The following C4orf36 variants were observed in gnomAD, a reference collection of about 807,000 sequenced individuals.
C4orf36 encodes uncharacterized protein C4orf36.
C4orf36 carries 11 observed loss-of-function variants against 12.2 expected under a neutral mutation model. The ratio of observed to expected loss-of-function variants is 0.90; its 90% CI spans 0.57 to 1.49. The LOEUF (loss-of-function observed/expected upper bound fraction) is 1.49, where lower values mean the gene tolerates loss of function less well. C4orf36 is among the 40% of genes most tolerant of loss of function. C4orf36 has a pLI of 0.00. For missense variants in C4orf36, 137 were observed against 133.9 expected (o/e 1.02, Z -0.11); for synonymous variants, 54 against 51.3 (o/e 1.05, Z -0.22).
upstream of C4orf36, among the ~76,000 whole-genome samples, chr4:86,893,581 CA>C (rs559916313): frequency 2.8e-3 from 378 of 135,120 alleles, no homozygotes; most frequent in South Asian, 0.022. Context: ...GACTCCATCT[CA>C]AAAAAAAAAA....
At chr4:86,912,551 A>G in the C4orf36 span, among the ~76,000 whole-genome samples, 3 of 152,308 alleles carry the variant, frequency 2.0e-5, no homozygotes, top group Non-Finnish European at 4.4e-5. Context: ...CTGATAGTCA[A>G]TGCCTGCCTA....
chr4:86,900,238 G>A, the C4orf36 span, among the ~76,000 whole-genome samples: 7 of 152,054 alleles, frequency 4.6e-5, no homozygotes, highest in Non-Finnish European at 1.0e-4. Flanking sequence ...TCACCATGTT[G>A]GCCAGGCTGG....
At chr4:86,881,085 G>A (rs1187738539) in intron 4 of C4orf36, among the ~76,000 whole-genome samples, 1 of 150,660 alleles carries the variant, frequency 6.6e-6, no homozygotes, top group Non-Finnish European at 1.5e-5. Flanking sequence ...CTATAGTATT[G>A]TAAGTAGTGT....
At chr4:86,892,125 G>A (rs1747444097) in intron 1 of C4orf36, 58 bp downstream of exon 1, 1 of 985,418 alleles carries the variant, frequency 1.0e-6, no homozygotes, top group South Asian at 4.7e-5. Flanking sequence ...TGGGGGCCTC[G>A]GCCGCCCACA....
the C4orf36 span, among the ~76,000 whole-genome samples, chr4:86,929,632 C>G: frequency 2.0e-5 from 3 of 152,330 alleles, no homozygotes; most frequent in South Asian, 2.1e-4. Flanking sequence ...CCATCTTAGA[C>G]TTCTGCCTAC....
upstream of C4orf36, among the ~76,000 whole-genome samples, chr4:86,894,044 C>T (rs1294264333): frequency 6.6e-6 from 1 of 151,852 alleles, no homozygotes; most frequent in Non-Finnish European, 1.5e-5. Context: ...CTACAGGCGC[C>T]CGCCACCACG....
chr4:86,909,403 A>G, the C4orf36 span, among the ~76,000 whole-genome samples: 1 of 152,190 alleles, frequency 6.6e-6, no homozygotes, highest in African/African-American at 2.4e-5. Context: ...GAATTTTCCT[A>G]CATAACAAAC....
chr4:86,905,709 CCTT>C, the C4orf36 span, among the ~76,000 whole-genome samples: 4 of 144,204 alleles, frequency 2.8e-5, no homozygotes, highest in Non-Finnish European at 5.9e-5. Context: ...CTTCTGAGGT[CCTT>C]TTTTTTTTTT....
At chr4:86,933,911 T>G in the C4orf36 span, among the ~76,000 whole-genome samples, 1 of 152,208 alleles carries the variant, frequency 6.6e-6, no homozygotes. Context: ...GAGTTATATT[T>G]TGGAAAACAA....
chr4:86,885,305 C>T (rs147528614), intron 4 of C4orf36, among the ~76,000 whole-genome samples: 25,124 of 151,570 alleles, frequency 0.17, 2,356 homozygotes, highest in Middle Eastern at 0.2. Flanking sequence ...GCCATTTTCA[C>T]GATATTGATT....
chr4:86,894,251 T>C (rs1186595177), upstream of C4orf36, among the ~76,000 whole-genome samples: 1 of 152,194 alleles, frequency 6.6e-6, no homozygotes, highest in African/African-American at 2.4e-5. Flanking sequence ...AAAATTAGAG[T>C]ACATCACACA....
the C4orf36 span, among the ~76,000 whole-genome samples, chr4:86,920,805 T>C: frequency 6.6e-6 from 1 of 152,180 alleles, no homozygotes; most frequent in African/African-American, 2.4e-5. Flanking sequence ...AAGTCCTACC[T>C]TTTAACATAG....
chr4:86,914,270 G>C, the C4orf36 span: 2 of 1,602,114 alleles, frequency 1.2e-6, no homozygotes, highest in Admixed American at 3.3e-5. Flanking sequence ...CATAGGCATT[G>C]TGGTCTGCCC....
the C4orf36 span, among the ~76,000 whole-genome samples, chr4:86,910,289 G>C: frequency 1.3e-5 from 2 of 152,220 alleles, no homozygotes; most frequent in African/African-American, 4.8e-5. Flanking sequence ...GCTTGCACCT[G>C]TAATCCCAGC....
chr4:86,927,339 GTGTTTT>G, the C4orf36 span, among the ~76,000 whole-genome samples: 146 of 152,234 alleles, frequency 9.6e-4, no homozygotes, highest in East Asian at 6.2e-3. Context: ...ATCCAGTCAT[GTGTTTT>G]TGTTTTTGTT....
At chr4:86,899,421 A>G in the C4orf36 span, among the ~76,000 whole-genome samples, 69,551 of 152,098 alleles carry the variant, frequency 0.46, 17,347 homozygotes, top group South Asian at 0.68. Context: ...AAATTAAAAT[A>G]ATGCCAGAAC....
the C4orf36 span, among the ~76,000 whole-genome samples, chr4:86,916,092 A>G: frequency 6.6e-6 from 1 of 152,224 alleles, no homozygotes; most frequent in South Asian, 2.1e-4. Context: ...GCCCTAGGAA[A>G]GTAATACATC....
Position 86,884,564 on chromosome 4 carries a change from G to A in C4orf36, c.*2+3194C>T, listed in dbSNP as rs181471526. Among the ~76,000 whole-genome samples the A allele has an allele frequency of 1.2e-4, 18 of 152,062 alleles. No individual in the cohort carries two copies. In the East Asian group the frequency reaches 1.4e-3, roughly 11 times the overall value. On this transcript the variant is annotated intron_variant, in intron 4 of 4. Transcript: ENST00000295898. The stretch of plus-strand genomic sequence containing the variant: ...AAGCGAGTCTCCCACCTCAGCCTCC[G>A]AAAGCACTGAGATTTATAGGCATAA...
chr4:86,914,390 CCTTTT>C, the C4orf36 span: 9 of 557,322 alleles, frequency 1.6e-5, no homozygotes, highest in Non-Finnish European at 2.7e-5. Context: ...TCTTCTTCTT[CCTTTT>C]TTTTTTTTTT....
Sources: gnomAD v4.1 joint callset for allele counts (sites outside exome capture counted in the v4.1 genomes callset) on GRCh38, gnomAD v4.1.1 for gene constraint, MANE v1.5 for transcripts, NCBI Gene and HGNC (gene_info 2026-07-23, HGNC 2026-07-21) for gene names.